CPED1: variants seen among roughly 807,000 people sequenced by gnomAD.
The protein encoded by CPED1 is cadherin-like and PC-esterase domain-containing protein 1.
In CPED1, 114 loss-of-function variants were observed where a neutral mutation model predicts 128.2. The ratio of observed to expected loss-of-function variants is 0.89; its 90% confidence interval spans 0.76 to 1.04. CPED1 has a LOEUF of 1.04. Among genes scored for constraint, CPED1 ranks in the 50% least tolerant of loss-of-function variants. CPED1 has a pLI of 0.00. For missense variants in CPED1, 1,211 were observed against 1,207.1 expected, an observed-to-expected ratio of 1.00 and a Z score of -0.05; for synonymous variants, 462 against 426.7, an observed-to-expected ratio of 1.08 and a Z score of -1.02.
At chr7:121,248,733 TA>T (rs767277721) in intron 18 of CPED1, among the ~76,000 whole-genome samples, 5 of 151,372 alleles carry the variant, frequency 3.3e-5, no homozygotes, top group Non-Finnish European at 7.4e-5. Context: ...CTCTCCCAAA[TA>T]AGAAAGAATC....
intron 18 of CPED1, among the ~76,000 whole-genome samples, chr7:121,259,796 AG>A (rs1455910304): frequency 6.6e-6 from 1 of 152,002 alleles, no homozygotes; most frequent in African/African-American, 2.4e-5. Flanking sequence ...ATCTGAGAGG[AG>A]GGTGCAATTA....
rs145056843 is a variant in CPED1, at chr7:121,079,867, G to A, written c.616+15554G>A. Among the ~76,000 whole-genome samples, 59 of 152,338 alleles carry A rather than the reference G, an allele frequency of 3.9e-4. No homozygotes were observed. The East Asian group carries it at 7.9e-3, about 20-fold the overall frequency. On this transcript the variant is annotated intron_variant, in intron 5 of 22. Transcript: ENST00000310396. ...TCACTTAGAGAGTTTGTCATCTTGT[G>A]CCAAATGCCACTAGAAATTAGAGGC... is the stretch of plus-strand genomic sequence containing the variant.
chr7:121,011,768 G>A (rs1792167520), intron 2 of CPED1, among the ~76,000 whole-genome samples: 3 of 152,174 alleles, frequency 2.0e-5, no homozygotes, highest in South Asian at 2.1e-4. Flanking sequence ...AAACATAATC[G>A]CTCCTGTAGA....
intron 7 of CPED1, among the ~76,000 whole-genome samples, chr7:121,100,350 C>G (rs1365140346): frequency 2.6e-5 from 4 of 152,134 alleles, no homozygotes; most frequent in Admixed American, 2.6e-4. Flanking sequence ...ATTCTTTGAT[C>G]TACTTATTAC....
rs750895264 is a variant in CPED1, at chr7:121,127,210, A to G, written c.1255A>G (p.Ile419Val). The change falls in exon 10 of 23, where the codon ATA becomes GTA. Residue 419 changes from isoleucine (I) to valine (V), a missense_variant. Transcript: ENST00000310396. ...FLFPNESSLS[I>V]FSEIFQRLYR... ...CTTCCCTAATGAATCATCACTTTCC[A>G]TATTTTCTGAGATATTTCAGAGACT... The G allele has an allele frequency of 5.7e-6, 9 of 1,592,706 alleles. No individual in the cohort carries two copies. Among genetic ancestry groups the G allele is most frequent in the East Asian group, 4.5e-5 (2 of 44,522 alleles).
chr7:121,022,577 C>A (rs1278792492), intron 3 of CPED1, among the ~76,000 whole-genome samples: 1 of 151,744 alleles, frequency 6.6e-6, no homozygotes, highest in African/African-American at 2.4e-5. Flanking sequence ...TCAGCAGAAA[C>A]TCAAGCAAGC....
intron 5 of CPED1, 72 bp downstream of exon 5, chr7:121,064,385 A>G (rs577943662): frequency 1.2e-5 from 12 of 1,036,848 alleles, no homozygotes; most frequent in African/African-American, 3.1e-5. Context: ...AGCAGCTAAC[A>G]TGGTCTCAGG....
chr7:120,989,780 C>G lies in CPED1; in HGVS notation c.159C>G (p.Ser53=). 1.9e-6 allele frequency: 3 copies of G among 1,614,042 alleles called. No individual in the cohort carries two copies. The highest frequency in any genetic ancestry group is 2.5e-6 in the Non-Finnish European group (3 of 1,180,034). Residue 53 remains serine, a synonymous_variant, in exon 2 of 23, where the codon TCC becomes TCG. Transcript: ENST00000310396. ...CCCCTGGGGCTGTCCCACACACATC[C>G]ACTGAAACCCAGGCAAGCAGATGCA... ...AAAPGAVPHT[S]TETQASRCKK...
chr7:120,989,918 A>T, intron 2 of CPED1, 48 bp downstream of exon 2: 1 of 1,607,006 alleles, frequency 6.2e-7, no homozygotes, highest in Non-Finnish European at 8.5e-7. Context: ...AAAGACAGCA[A>T]TCTGCTTCTC....
chr7:121,172,784 G>A (rs905556089), intron 16 of CPED1, among the ~76,000 whole-genome samples: 12 of 152,248 alleles, frequency 7.9e-5, no homozygotes, highest in Admixed American at 7.2e-4. Context: ...TCCCAACTGG[G>A]ATATAAATTA....
At chr7:121,293,420 A>C (rs1449137894) in intron 22 of CPED1, among the ~76,000 whole-genome samples, 1 of 152,176 alleles carries the variant, frequency 6.6e-6, no homozygotes, top group African/African-American at 2.4e-5. Context: ...ATTTCAAGCC[A>C]GTGGATCTTA....
chr7:121,004,039 G>T (rs779437945), intron 2 of CPED1, among the ~76,000 whole-genome samples: 10 of 152,124 alleles, frequency 6.6e-5, no homozygotes, highest in Non-Finnish European at 1.0e-4. Context: ...CGTTTCTCTG[G>T]GTTTGCCAGG....
At chr7:121,098,947 A>G (rs1162422699) in intron 6 of CPED1, among the ~76,000 whole-genome samples, 1 of 150,806 alleles carries the variant, frequency 6.6e-6, no homozygotes, top group Non-Finnish European at 1.5e-5. Context: ...ATCATTTATG[A>G]TGAAAGCATA....
rs372184352 is a variant in CPED1 at position 121,124,426 on chromosome 7, T to G, written c.1014T>G (p.Ala338=). 10 of 1,602,962 alleles carry G rather than the reference T, an allele frequency of 6.2e-6. No individual in the cohort carries two copies. The Admixed American group carries it at 6.7e-5, about 11-fold the overall frequency. The change falls in exon 8 of 23, where the codon GCT becomes GCG. Residue 338 remains alanine (A), a synonymous_variant. Transcript: ENST00000310396. ...KEAIGKLLLA[A]EVFSETSTLG... ...CAATTGGCAAACTACTGCTAGCGGC[T>G]GAAGTATTCAGTGAAACATCTACTC...
chr7:121,058,035 C>A (rs78937945), intron 4 of CPED1, among the ~76,000 whole-genome samples: 3 of 151,996 alleles, frequency 2.0e-5, no homozygotes, highest in East Asian at 3.9e-4. Context: ...AGGAGAGGAA[C>A]AATAGGCCTA....
intron 16 of CPED1, among the ~76,000 whole-genome samples, chr7:121,208,923 T>G (rs1403201583): frequency 6.6e-6 from 1 of 151,974 alleles, no homozygotes; most frequent in Non-Finnish European, 1.5e-5. Flanking sequence ...TTGCTATAAA[T>G]GAACAAAGAA....
At chr7:121,079,692 A>G (rs149137795) in intron 5 of CPED1, among the ~76,000 whole-genome samples, 1 of 152,348 alleles carries the variant, frequency 6.6e-6, no homozygotes, top group African/African-American at 2.4e-5. Context: ...AGTTGTGCAA[A>G]AGACTGACTG....
intron 3 of CPED1, among the ~76,000 whole-genome samples, chr7:121,034,468 A>G (rs1562999621): frequency 6.6e-6 from 1 of 151,894 alleles, no homozygotes. Context: ...GGCTGTTCTC[A>G]AACTCCTGAC....
intron 22 of CPED1, among the ~76,000 whole-genome samples, chr7:121,286,947 G>A (rs1792591312): frequency 6.6e-6 from 1 of 152,284 alleles, no homozygotes; most frequent in Non-Finnish European, 1.5e-5. Context: ...GAGGAAGCAG[G>A]CACCTTCTTC....
Sources: allele counts gnomAD v4.1 joint callset (sites outside exome capture counted in the v4.1 genomes callset), GRCh38; gene constraint gnomAD v4.1.1; transcripts MANE v1.5; gene names NCBI Gene and HGNC (gene_info 2026-07-23, HGNC 2026-07-21).